The following SPPL3 variants were observed in gnomAD, a reference collection of about 807,000 sequenced individuals.
SPPL3 encodes the protein signal peptide peptidase-like 3.
In SPPL3, 5 loss-of-function variants were observed where a neutral mutation model predicts 42.4. That is an observed-to-expected ratio of 0.12 (90% CI 0.06 to 0.25). The LOEUF (loss-of-function observed/expected upper bound fraction) is 0.25. SPPL3 is among the 10% of genes least tolerant of loss of function. SPPL3 has a pLI of 1.00. For synonymous variants in SPPL3, 195 were observed against 181.8 expected, an observed-to-expected ratio of 1.07 and a Z score of -0.58; for missense variants, 235 against 489.0, an observed-to-expected ratio of 0.48 and a Z score of 4.90.
chr12:120,901,196 T>C (rs541045284), intron 1 of SPPL3, among the ~76,000 whole-genome samples: 1 of 152,274 alleles, frequency 6.6e-6, no homozygotes, highest in East Asian at 1.9e-4. Context: ...AAATATCACC[T>C]ACCTCAGAAA....
intron 4 of SPPL3, 179 bp downstream of exon 4, chr12:120,784,295 C>T (rs1474446011): frequency 1.9e-6 from 1 of 520,842 alleles, no homozygotes; most frequent in African/African-American, 2.0e-5. Context: ...TGACGTGGAT[C>T]AAGAGGTTCA....
intron 1 of SPPL3, among the ~76,000 whole-genome samples, chr12:120,889,073 G>A (rs1179939): frequency 1.8e-3 from 275 of 151,872 alleles, no homozygotes; most frequent in African/African-American, 6.1e-3. Context: ...CTCAGCCTCC[G>A]GAAATGCTGA....
chr12:120,823,502 GA>G (rs201828819), intron 1 of SPPL3, among the ~76,000 whole-genome samples: 1,522 of 152,190 alleles, frequency 0.01, 38 homozygotes, highest in African/African-American at 0.035. Flanking sequence ...TCCTTTTCTT[GA>G]AACAATTTTA....
chr12:120,881,482 AAAGAG>A (rs140589231), intron 1 of SPPL3, among the ~76,000 whole-genome samples: 20,248 of 126,994 alleles, frequency 0.16, 2,756 homozygotes, highest in Non-Finnish European at 0.26. Flanking sequence ...AAAAAAAAAA[AAAGAG>A]AAGAGAAGAG....
intron 6 of SPPL3, among the ~76,000 whole-genome samples, chr12:120,781,747 T>C (rs1027401009): frequency 6.8e-6 from 1 of 147,056 alleles, no homozygotes; most frequent in African/African-American, 2.5e-5. Flanking sequence ...TCCCAGCTAA[T>C]TTTTTGTATT....
chr12:120,882,805 AT>A (rs1873333684), intron 1 of SPPL3, among the ~76,000 whole-genome samples: 1 of 152,092 alleles, frequency 6.6e-6, no homozygotes, highest in Non-Finnish European at 1.5e-5. Context: ...AAGGCGAAAG[AT>A]TGCTTGAGGC....
intron 1 of SPPL3, among the ~76,000 whole-genome samples, chr12:120,894,350 G>A (rs942817071): frequency 1.3e-5 from 2 of 151,170 alleles, no homozygotes; most frequent in Non-Finnish European, 3.0e-5. Context: ...AAAAAGAAAT[G>A]AGTGTAAATT....
At chr12:120,899,734 T>C (rs763376671) in intron 1 of SPPL3, among the ~76,000 whole-genome samples, 6 of 150,766 alleles carry the variant, frequency 4.0e-5, no homozygotes, top group Non-Finnish European at 8.9e-5. Flanking sequence ...CTACTAAAAA[T>C]ACAAAAAAAT....
intron 1 of SPPL3, chr12:120,845,516 AATGGTGG>A: frequency 2.2e-6 from 1 of 446,104 alleles, no homozygotes; most frequent in Non-Finnish European, 4.3e-6. Context: ...CTATGGTGGG[AATGGTGG>A]TCACCATCTC....
chr12:120,900,248 G>A (rs1168135046), intron 1 of SPPL3, among the ~76,000 whole-genome samples: 1 of 151,878 alleles, frequency 6.6e-6, no homozygotes, highest in Non-Finnish European at 1.5e-5. Context: ...AATCTTTAGT[G>A]GCACAACAGT....
chr12:120,765,174 C>T (rs1868840030), intron 10 of SPPL3, 104 bp from the exon 11 acceptor site: 1 of 1,048,138 alleles, frequency 9.5e-7, no homozygotes, highest in Non-Finnish European at 1.4e-6. Context: ...ATGAAGTCTT[C>T]CTATATATTG....
chr12:120,901,940 C>A, intron 1 of SPPL3: 1 of 985,390 alleles, frequency 1.0e-6, no homozygotes, highest in Non-Finnish European at 1.2e-6. Flanking sequence ...TTTCAACCAT[C>A]CAGGGCCTCT....
chr12:120,812,823 TG>T (rs1383280622), intron 1 of SPPL3, among the ~76,000 whole-genome samples: 1 of 152,128 alleles, frequency 6.6e-6, no homozygotes, highest in Admixed American at 6.5e-5. Context: ...ATCTGTAAAA[TG>T]GGGAATGACA....
At position 120,765,113 on chromosome 12, in the gene SPPL3, G is replaced by A. The variant is rs1386148320; in HGVS notation, c.1084-43C>T. The A allele has an allele frequency of 3.1e-6, 5 of 1,597,418 alleles. No individual in the cohort carries two copies. In the East Asian group the frequency reaches 1.1e-4, roughly 36 times the overall value. ...TTCTAAGTTACAGATTTAAACATGA[G>A]GCACACACAGCTGTCTGATTCTTTA... On this transcript the variant is annotated intron_variant, in intron 10 of 10. Transcript: ENST00000353487.
chr12:120,765,891 T>C (rs759872484), intron 10 of SPPL3, among the ~76,000 whole-genome samples: 5 of 152,164 alleles, frequency 3.3e-5, no homozygotes, highest in Admixed American at 6.5e-5. Context: ...TCAATCTTAA[T>C]TATTCCCAAA....
intron 6 of SPPL3, among the ~76,000 whole-genome samples, chr12:120,778,262 G>A (rs550938516): frequency 6.6e-6 from 1 of 151,648 alleles, no homozygotes; most frequent in Non-Finnish European, 1.5e-5. Context: ...GATTACAGGC[G>A]CACACCACCA....
At chr12:120,801,168 A>C (rs1163654586) in intron 2 of SPPL3, among the ~76,000 whole-genome samples, 4 of 152,222 alleles carry the variant, frequency 2.6e-5, no homozygotes, top group Non-Finnish European at 5.9e-5. Context: ...CAGACACAGG[A>C]AAGATTAATT....
At chr12:120,804,995 C>G (rs1179835180) in intron 2 of SPPL3, among the ~76,000 whole-genome samples, 1 of 152,222 alleles carries the variant, frequency 6.6e-6, no homozygotes, top group South Asian at 2.1e-4. Context: ...TACTGTATGA[C>G]ACCACTTATA....
At chr12:120,903,732 G>GCCCCCC (rs71076684) in intron 1 of SPPL3, 113 bp downstream of exon 1, 19 of 385,412 alleles carry the variant, frequency 4.9e-5, no homozygotes, top group South Asian at 6.7e-5. Context: ...CCCAACCCGC[G>GCCCCCC]CCCCCCCCCC....
Sources: gnomAD v4.1 joint callset for allele counts (sites outside exome capture counted in the v4.1 genomes callset) on GRCh38, gnomAD v4.1.1 for gene constraint, MANE v1.5 for transcripts, NCBI Gene and HGNC (gene_info 2026-07-23, HGNC 2026-07-21) for gene names.